Variants in FBXO4 observed in about 807,000 individuals in gnomAD.
FBXO4 encodes the protein F-box only protein 4.
FBXO4 carries 36 observed loss-of-function variants against 43.7 expected under a neutral mutation model. The ratio of observed to expected loss-of-function variants is 0.82; its 90% CI spans 0.63 to 1.09. FBXO4 has a LOEUF of 1.09. Ranked by LOEUF, FBXO4 falls within the 50% of genes least tolerant of loss-of-function variation. The pLI, the probability that FBXO4 is intolerant of heterozygous loss-of-function variation, is 0.00. For synonymous variants in FBXO4, 180 were observed against 165.6 expected, an observed-to-expected ratio of 1.09 and a Z score of -0.67; for missense variants, 435 against 474.1, an observed-to-expected ratio of 0.92 and a Z score of 0.77.
chr5:42,035,359 G>A, the FBXO4 span, among the ~76,000 whole-genome samples: 1 of 152,080 alleles, frequency 6.6e-6, no homozygotes, highest in Admixed American at 6.6e-5. Flanking sequence ...CCAATAGTAT[G>A]TTGTATAGGA....
At chr5:42,022,499 G>A in the FBXO4 span, among the ~76,000 whole-genome samples, 1 of 152,112 alleles carries the variant, frequency 6.6e-6, no homozygotes, top group East Asian at 1.9e-4. Context: ...TTATTCTGAT[G>A]TCCTGTTTTT....
the FBXO4 span, among the ~76,000 whole-genome samples, chr5:42,030,640 C>T: frequency 6.6e-6 from 1 of 151,528 alleles, no homozygotes; most frequent in African/African-American, 2.4e-5. Context: ...TTCTGCACAG[C>T]AAAAGAAACT....
the FBXO4 span, among the ~76,000 whole-genome samples, chr5:41,947,901 T>G: frequency 3.3e-5 from 5 of 152,120 alleles, no homozygotes; most frequent in Non-Finnish European, 5.9e-5. Flanking sequence ...AACATAAGTG[T>G]TGACTCACCC....
chr5:41,995,136 C>A, the FBXO4 span, among the ~76,000 whole-genome samples: 3 of 152,296 alleles, frequency 2.0e-5, no homozygotes, highest in Admixed American at 1.3e-4. Context: ...CCAGTGAATT[C>A]CATGAGCATA....
chr5:41,950,476 T>C, the FBXO4 span, among the ~76,000 whole-genome samples: 1 of 152,170 alleles, frequency 6.6e-6, no homozygotes. Flanking sequence ...TCATCATCAC[T>C]GGTCATTAGA....
chr5:41,948,722 C>T, the FBXO4 span, among the ~76,000 whole-genome samples: 5 of 152,122 alleles, frequency 3.3e-5, no homozygotes, highest in African/African-American at 1.2e-4. Context: ...TTTTAGCATT[C>T]TGTATTTTCT....
the FBXO4 span, among the ~76,000 whole-genome samples, chr5:42,034,908 A>G: frequency 6.6e-6 from 1 of 152,060 alleles, no homozygotes; most frequent in South Asian, 2.1e-4. Flanking sequence ...AAGAATGTCA[A>G]TCGTAGTTTA....
chr5:41,940,574 T>C (rs1026404671), intron 6 of FBXO4, among the ~76,000 whole-genome samples: 11 of 152,222 alleles, frequency 7.2e-5, no homozygotes, highest in Non-Finnish European at 1.0e-4. Context: ...AAAATACATT[T>C]TAATTATGGC....
At chr5:41,989,985 A>C in the FBXO4 span, among the ~76,000 whole-genome samples, 1 of 152,160 alleles carries the variant, frequency 6.6e-6, no homozygotes, top group Non-Finnish European at 1.5e-5. Flanking sequence ...AGAGGGACCT[A>C]GTGGGTTCTG....
chr5:42,020,708 C>A, the FBXO4 span, among the ~76,000 whole-genome samples: 5 of 152,094 alleles, frequency 3.3e-5, no homozygotes, highest in Non-Finnish European at 7.4e-5. Flanking sequence ...ATAGAAGAAA[C>A]CACAGCCAAC....
intron 5 of FBXO4, among the ~76,000 whole-genome samples, chr5:41,936,924 T>C (rs965114334): frequency 3.3e-5 from 5 of 152,216 alleles, no homozygotes; most frequent in Admixed American, 1.3e-4. Context: ...TACAATCACT[T>C]AGCTCTGCTA....
the FBXO4 span, among the ~76,000 whole-genome samples, chr5:41,961,879 T>A: frequency 8.5e-5 from 13 of 152,226 alleles, no homozygotes; most frequent in African/African-American, 3.1e-4. Context: ...AGCTGACTGC[T>A]AGGAAACTCA....
chr5:41,989,153 C>A, the FBXO4 span, among the ~76,000 whole-genome samples: 34 of 152,152 alleles, frequency 2.2e-4, no homozygotes, highest in African/African-American at 7.9e-4. Context: ...CTGATATATC[C>A]CTTTTACCCT....
At chr5:41,927,341 T>A (rs577014289) in intron 2 of FBXO4, 93 bp downstream of exon 2, 7 of 934,274 alleles carry the variant, frequency 7.5e-6, no homozygotes, top group Admixed American at 2.7e-5. Context: ...TGCTACTGAT[T>A]TGTTGCGTGG....
At chr5:42,012,999 T>C in the FBXO4 span, among the ~76,000 whole-genome samples, 1 of 152,164 alleles carries the variant, frequency 6.6e-6, no homozygotes. Flanking sequence ...GAGTGGTTTA[T>C]CATGGGATTC....
the FBXO4 span, among the ~76,000 whole-genome samples, chr5:41,990,458 G>A: frequency 6.6e-6 from 1 of 152,210 alleles, no homozygotes; most frequent in Admixed American, 6.5e-5. Context: ...GAACAACAGT[G>A]ATGACTGCTA....
the FBXO4 span, among the ~76,000 whole-genome samples, chr5:41,971,232 G>A: frequency 2.3e-3 from 313 of 136,660 alleles, no homozygotes; most frequent in African/African-American, 7.9e-3. Context: ...GTGTGTGTGT[G>A]TATGTGTGTG....
At chr5:41,976,894 C>A in the FBXO4 span, among the ~76,000 whole-genome samples, 1 of 152,196 alleles carries the variant, frequency 6.6e-6, no homozygotes, top group Non-Finnish European at 1.5e-5. Context: ...TAACAGGATT[C>A]GCATCCTGTG....
intron 5 of FBXO4, among the ~76,000 whole-genome samples, chr5:41,938,305 A>G (rs1751903588): frequency 6.6e-6 from 1 of 152,214 alleles, no homozygotes; most frequent in African/African-American, 2.4e-5. Context: ...TAGACTTACA[A>G]ATTAAAAATG....
Sources: gnomAD v4.1 joint callset for allele counts (sites outside exome capture counted in the v4.1 genomes callset) on GRCh38, gnomAD v4.1.1 for gene constraint, MANE v1.5 for transcripts, NCBI Gene and HGNC (gene_info 2026-07-23, HGNC 2026-07-21) for gene names.